GLOD4: variants seen among roughly 807,000 people sequenced by gnomAD.
The protein encoded by GLOD4 is glyoxalase domain-containing protein 4.
GLOD4 carries 44 observed loss-of-function variants against 39.1 expected under a neutral mutation model. That is an observed-to-expected ratio of 1.13 (90% CI 0.88 to 1.45). The LOEUF is 1.45. GLOD4 is among the 40% of genes most tolerant of loss of function. The probability of loss-of-function intolerance (pLI) is 0.00; values close to 1 mark genes in which losing one functional copy is unlikely to be tolerated. For synonymous variants in GLOD4, 145 were observed against 135.0 expected, an observed-to-expected ratio of 1.07 and a Z score of -0.52; for missense variants, 405 against 366.4, an observed-to-expected ratio of 1.11 and a Z score of -0.86.
intron 8 of GLOD4, chr17:763,833 G>C (rs1418108862): frequency 6.6e-6 from 1 of 152,190 alleles, no homozygotes; most frequent in South Asian, 2.1e-4. Flanking sequence ...TCTGGACAGA[G>C]AAAGTGCTAC....
chr17:775,666 G>C (rs1012490621), intron 4 of GLOD4, 109 bp downstream of exon 4: 20 of 846,714 alleles, frequency 2.4e-5, no homozygotes, highest in Non-Finnish European at 3.6e-5. Flanking sequence ...GGCTGGGGAA[G>C]ACACGTCACG....
intron 8 of GLOD4, among the ~76,000 whole-genome samples, chr17:763,144 C>T (rs1472062712): frequency 1.3e-5 from 2 of 149,066 alleles, no homozygotes; most frequent in Middle Eastern, 3.2e-3. Context: ...GATCACGCCA[C>T]TGCACTCCAG....
At position 771,468 on chromosome 17, in the gene GLOD4, G is replaced by T; in HGVS notation, c.407-7C>A. 1 of 1,534,616 alleles carries T rather than the reference G, an allele frequency of 6.5e-7. No homozygotes were observed. Among genetic ancestry groups the T allele is most frequent in the Non-Finnish European group, 8.9e-7 (1 of 1,126,292 alleles). On this transcript the variant is annotated splice_region_variant and splice_polypyrimidine_tract_variant and intron_variant, in intron 4 of 8. Coordinates refer to ENST00000301329, the MANE Select transcript of GLOD4 (RefSeq NM_016080.4). ...GTTACTTTTAATACAGGATCTGTTG[G>T]GTAATAAAGCAGGAATAGACAGATC... is the stretch of plus-strand genomic sequence containing the variant.
In GLOD4 at chr17:776,958, C is replaced by T; in HGVS notation, c.171G>A (p.Met57Ile). Residue 57 changes from methionine to isoleucine, a missense_variant, in exon 3 of 9, where the codon ATG (methionine) becomes ATA (isoleucine). Met to Ile is a conservative substitution (Grantham distance 10). Coordinates refer to ENST00000301329, the MANE Select transcript of GLOD4 (RefSeq NM_016080.4). The stretch of plus-strand genomic sequence containing the variant: ...GATCATCCTCAGGCCCAAATCCCAC[C>T]ATTGTTTTACTCCATTTCCCATCAT... ...GPYDGKWSKT[M>I]VGFGPEDDHF... The T allele has an allele frequency of 4.4e-6, 7 of 1,605,158 alleles. No homozygotes were observed. The highest frequency in any genetic ancestry group is 5.1e-6 in the Non-Finnish European group (6 of 1,171,772).
At chr17:769,203 A>G (rs1907422516) in intron 8 of GLOD4, among the ~76,000 whole-genome samples, 1 of 151,596 alleles carries the variant, frequency 6.6e-6, no homozygotes, top group Admixed American at 6.6e-5. Flanking sequence ...CTCCATGGGG[A>G]GAGCTGAGGG....
rs780206565 is a variant in GLOD4, at chr17:771,409, G to C, written c.459C>G (p.Asn153Lys). ...LAVSDLQKSL[N>K]YWCNLLGMKI... is the part of the protein sequence containing the mutation. ...TCATTCCCAGTAGATTACACCAGTAGTTCAAGGACTTTTGAAGATCAGACA... is the reference window on the plus strand; with the variant it reads ...TCATTCCCAGTAGATTACACCAGTACTTCAAGGACTTTTGAAGATCAGACA... Residue 153 changes from asparagine to lysine, a missense_variant, in exon 5 of 9, where the codon AAC becomes AAG. Asn to Lys is a moderately conservative substitution (Grantham distance 94). Transcript: ENST00000301329. The C allele has an allele frequency of 2.9e-5, 46 of 1,580,282 alleles. No homozygotes were observed. The highest frequency in any genetic ancestry group is 4.0e-5 in the Non-Finnish European group (46 of 1,151,474).
At chr17:766,515 G>C (rs1906595617) in intron 8 of GLOD4, among the ~76,000 whole-genome samples, 1 of 152,046 alleles carries the variant, frequency 6.6e-6, no homozygotes, top group Admixed American at 6.5e-5. Flanking sequence ...AGAATCGCTT[G>C]ATCCCGGGAG....
intron 4 of GLOD4, among the ~76,000 whole-genome samples, chr17:772,655 A>G (rs1372919971): frequency 3.3e-5 from 5 of 152,230 alleles, no homozygotes; most frequent in African/African-American, 1.2e-4. Context: ...AAAGGCACAA[A>G]GCAATAATCC....
Position 762,492 on chromosome 17 carries a change from GGC to G in GLOD4, c.832-2256_832-2255del, listed in dbSNP as rs1905651717. Among the ~76,000 whole-genome samples the G allele has an allele frequency of 5.0e-5, 4 of 80,042 alleles. No individual in the cohort carries two copies. In the South Asian group the frequency reaches 1.8e-3, roughly 35 times the overall value. 52.5% of individuals were successfully genotyped at this position (80,042 alleles called of 152,430 possible). On this transcript the variant is annotated intron_variant, in intron 8 of 8. Coordinates refer to ENST00000301329, the MANE Select transcript of GLOD4 (RefSeq NM_016080.4). Reference sequence around the variant, plus strand: ...TTTCATCACCATCCAGGCCCCGGCCGGCACCTACTCAGTGCGTGATCTTCAGG... The same window carrying G: ...TTTCATCACCATCCAGGCCCCGGCCGACCTACTCAGTGCGTGATCTTCAGG...
intron 3 of GLOD4, 101 bp from the exon 4 acceptor site, chr17:776,020 A>T: frequency 2.4e-6 from 2 of 845,766 alleles, no homozygotes; most frequent in Non-Finnish European, 3.8e-6. Flanking sequence ...TTTAGGTAAA[A>T]TCACCTAAGA....
At chr17:763,662 G>A (rs1597574965) in intron 8 of GLOD4, 4 of 151,234 alleles carry the variant, frequency 2.6e-5, no homozygotes, top group Admixed American at 2.6e-4. Flanking sequence ...ACTGCAGCCC[G>A]GGAACATAGA....
rs142761133 is a variant in GLOD4, at chr17:769,371, G to A, written c.831+498C>T. Among the ~76,000 whole-genome samples the A allele has an allele frequency of 6.9e-3, 1,036 of 149,460 alleles. 19 individuals carry two copies. The highest frequency in any genetic ancestry group is 0.041 in the Admixed American group (617 of 14,956). On this transcript the variant is annotated intron_variant, in intron 8 of 8. Transcript: ENST00000301329. ...TGCGGAGAGCTGAGGGGAACGGATGGAGGCATCTCCATGGGGAGAGCTGAG... is the reference window on the plus strand; with the variant it reads ...TGCGGAGAGCTGAGGGGAACGGATGAAGGCATCTCCATGGGGAGAGCTGAG...
intron 8 of GLOD4, among the ~76,000 whole-genome samples, chr17:766,830 C>T (rs896078045): frequency 2.0e-5 from 3 of 152,142 alleles, no homozygotes; most frequent in African/African-American, 4.8e-5. Flanking sequence ...CCCTGGGAGG[C>T]GAAGGTTGCA....
chr17:772,187 GAAAA>G (rs58914913), intron 4 of GLOD4, among the ~76,000 whole-genome samples: 1 of 50,864 alleles, frequency 2.0e-5, no homozygotes, highest in Non-Finnish European at 3.4e-5. Context: ...ACCCTATCTC[GAAAA>G]AAAAAAAAAA....
intron 3 of GLOD4, among the ~76,000 whole-genome samples, chr17:776,473 C>T (rs1436929662): frequency 3.3e-5 from 5 of 152,206 alleles, no homozygotes; most frequent in African/African-American, 1.2e-4. Flanking sequence ...TAGTCCACCC[C>T]CAGACTGCAG....
At chr17:767,458 G>A (rs1906788393) in intron 8 of GLOD4, among the ~76,000 whole-genome samples, 1 of 152,156 alleles carries the variant, frequency 6.6e-6, no homozygotes, top group South Asian at 2.1e-4. Flanking sequence ...GAGAAACAGT[G>A]CACACTCAGA....
At chr17:769,348 C>A (rs111443218) in intron 8 of GLOD4, among the ~76,000 whole-genome samples, 5 of 47,312 alleles carry the variant, frequency 1.1e-4, no homozygotes, top group Non-Finnish European at 1.7e-4. Context: ...CATCTCCATG[C>A]GGAGAGCTGA....
At chr17:775,944 A>G (rs772264589) in intron 3 of GLOD4, 25 bp from the exon 4 acceptor site, 1 of 1,601,994 alleles carries the variant, frequency 6.2e-7, no homozygotes, top group Admixed American at 1.7e-5. Context: ...AGTACATCCA[A>G]GTACATGATC....
At chr17:761,567 C>A (rs1034714352) in intron 8 of GLOD4, among the ~76,000 whole-genome samples, 1 of 152,142 alleles carries the variant, frequency 6.6e-6, no homozygotes, top group Admixed American at 6.5e-5. Flanking sequence ...TGCAACGGCG[C>A]CATCTCGGCT....
Sources: allele counts gnomAD v4.1 joint callset (sites outside exome capture counted in the v4.1 genomes callset), GRCh38; gene constraint gnomAD v4.1.1; transcripts MANE v1.5; gene names NCBI Gene and HGNC (gene_info 2026-07-23, HGNC 2026-07-21).